Variants in NT5DC1 observed in about 807,000 individuals in gnomAD.
The protein encoded by NT5DC1 is 5'-nucleotidase domain containing 1.
A neutral mutation model predicts 59.4 loss-of-function variants in NT5DC1; 42 were observed. The observed-to-expected ratio is 0.71, with a 90% CI of 0.55 to 0.92. The LOEUF is 0.92. Ranked by LOEUF, NT5DC1 falls within the 40% of genes least tolerant of loss-of-function variation. NT5DC1 has a pLI of 0.00. For synonymous variants in NT5DC1, 172 were observed against 188.1 expected (o/e 0.91, Z 0.70); for missense variants, 501 against 537.1 (o/e 0.93, Z 0.66).
At chr6:116,162,660 G>C (rs1780362526) in intron 6 of NT5DC1, among the ~76,000 whole-genome samples, 1 of 152,100 alleles carries the variant, frequency 6.6e-6, no homozygotes, top group African/African-American at 2.4e-5. Context: ...TTGATGTGCT[G>C]TTGGATTCAG....
chr6:116,173,950 A>G (rs1780675474), intron 6 of NT5DC1, among the ~76,000 whole-genome samples: 1 of 152,164 alleles, frequency 6.6e-6, no homozygotes, highest in South Asian at 2.1e-4. Flanking sequence ...TAATCATCAC[A>G]TTCAATTAGT....
chr6:116,137,527 C>T (rs1779641334), intron 6 of NT5DC1: 1 of 211,748 alleles, frequency 4.7e-6, no homozygotes, highest in South Asian at 8.9e-5. Flanking sequence ...ATGTATTTCA[C>T]AGTCTCCTCA....
intron 6 of NT5DC1, among the ~76,000 whole-genome samples, chr6:116,142,361 A>G (rs1278067670): frequency 2.6e-5 from 4 of 152,108 alleles, no homozygotes; most frequent in African/African-American, 9.7e-5. Flanking sequence ...AATTAATAAC[A>G]TAAAAACCAC....
chr6:116,120,287 A>G (rs1562122435), intron 6 of NT5DC1: 1 of 1,614,230 alleles, frequency 6.2e-7, no homozygotes, highest in Non-Finnish European at 8.5e-7. Context: ...GCCTACCCAA[A>G]CATGAGTCCC....
Position 116,168,568 on chromosome 6 carries a change from C to T in NT5DC1, c.529+50623C>T, listed in dbSNP as rs142220277. Among the ~76,000 whole-genome samples the T allele has an allele frequency of 2.5e-3, 379 of 152,218 alleles. 2 individuals are homozygous for T. The highest frequency in any genetic ancestry group is 8.8e-3 in the African/African-American group (365 of 41,524). Reference sequence around the variant, plus strand: ...CTTCTGTGGATCTGGTTCAGTCTGTCTTCATGCCATAGGAGCTGCTGTGGA... The same window carrying T: ...CTTCTGTGGATCTGGTTCAGTCTGTTTTCATGCCATAGGAGCTGCTGTGGA... On this transcript the variant is annotated intron_variant, in intron 6 of 11. Coordinates refer to ENST00000319550, the MANE Select transcript of NT5DC1 (RefSeq NM_152729.3).
intron 11 of NT5DC1, among the ~76,000 whole-genome samples, chr6:116,241,935 AAAAC>A (rs1562178954): frequency 2.4e-4 from 6 of 25,414 alleles, no homozygotes; most frequent in Non-Finnish European, 3.0e-4. Context: ...AAAAAAAAAA[AAAAC>A]AAAACAAAAA....
At chr6:116,128,014 C>T (rs1779365861) in intron 6 of NT5DC1, among the ~76,000 whole-genome samples, 2 of 152,044 alleles carry the variant, frequency 1.3e-5, no homozygotes, top group Admixed American at 1.3e-4. Context: ...TATTCCTGTG[C>T]TTGAGGTATT....
At chr6:116,190,262 ATG>A (rs1215858309) in intron 6 of NT5DC1, among the ~76,000 whole-genome samples, 5 of 152,012 alleles carry the variant, frequency 3.3e-5, no homozygotes, top group African/African-American at 1.2e-4. Flanking sequence ...TAAATTATCT[ATG>A]TATTTTTTCT....
At chr6:116,232,960 T>G (rs1245623021) in intron 8 of NT5DC1, among the ~76,000 whole-genome samples, 1 of 152,200 alleles carries the variant, frequency 6.6e-6, no homozygotes, top group Non-Finnish European at 1.5e-5. Context: ...TTAACTTCAT[T>G]AGGTCAGTTT....
At chr6:116,163,141 A>ATATATATATAT (rs1554197064) in intron 6 of NT5DC1, among the ~76,000 whole-genome samples, 7 of 88,408 alleles carry the variant, frequency 7.9e-5, no homozygotes, top group African/African-American at 4.0e-4. Context: ...AAAAAAAAAA[A>ATATATATATAT]ATATATATAT....
intron 3 of NT5DC1, among the ~76,000 whole-genome samples, chr6:116,109,294 C>G (rs1778819999): frequency 6.6e-6 from 1 of 152,206 alleles, no homozygotes; most frequent in Non-Finnish European, 1.5e-5. Context: ...CGACCTTCCC[C>G]TAAGGTGCAT....
intron 4 of NT5DC1, among the ~76,000 whole-genome samples, chr6:116,113,266 G>A (rs1481874727): frequency 6.6e-6 from 1 of 152,156 alleles, no homozygotes; most frequent in Admixed American, 6.5e-5. Context: ...TACCACCTTT[G>A]CAGAAGTGAG....
intron 6 of NT5DC1, among the ~76,000 whole-genome samples, chr6:116,132,425 T>C (rs1282424952): frequency 1.3e-5 from 2 of 152,118 alleles, no homozygotes; most frequent in Admixed American, 1.3e-4. Flanking sequence ...TGTGATATAG[T>C]TTTCACATAT....
At chr6:116,191,358 A>G (rs1297287243) in intron 6 of NT5DC1, among the ~76,000 whole-genome samples, 1 of 151,960 alleles carries the variant, frequency 6.6e-6, no homozygotes, top group Non-Finnish European at 1.5e-5. Flanking sequence ...AAGAAACCCT[A>G]CTGTACTTAC....
At chr6:116,243,832 T>C (rs1253846680) in intron 11 of NT5DC1, 77 bp from the exon 12 acceptor site, 7 of 593,784 alleles carry the variant, frequency 1.2e-5, no homozygotes, top group Non-Finnish European at 2.1e-5. Flanking sequence ...GTTTTATTAG[T>C]GAATATCAAG....
chr6:116,119,278 C>G (rs930126267), intron 6 of NT5DC1: 9 of 152,504 alleles, frequency 5.9e-5, no homozygotes, highest in African/African-American at 2.2e-4. Flanking sequence ...ACATAAGATT[C>G]AATAAGGAAT....
rs149589523 is a variant in NT5DC1 at position 116,167,551 on chromosome 6, G to T, written c.529+49606G>T. The stretch of plus-strand genomic sequence containing the variant: ...TAAGGCAAAAAATATGCATCATTTT[G>T]ATACCAGTTATTTGTACTGATTTCA... On this transcript the variant is annotated intron_variant, in intron 6 of 11. Transcript: ENST00000319550. Among the ~76,000 whole-genome samples the T allele has an allele frequency of 3.5e-3, 530 of 152,176 alleles. 2 individuals carry two copies. Among genetic ancestry groups the T allele is most frequent in the African/African-American group, 0.012 (503 of 41,520 alleles).
At position 116,243,977 on chromosome 6, in the gene NT5DC1, A is replaced by G. The variant is rs376867677; in HGVS notation, c.1321A>G (p.Asn441Asp). 1.0e-5 allele frequency: 16 copies of G among 1,571,870 alleles called. No homozygotes were observed. The African/African-American group carries it at 1.9e-4, about 19-fold the overall frequency. ...SNSKTAGYYP[N>D]PPLVLSSDET... ...TTCAAAAACAGCTGGCTACTATCCA[A>G]ATCCTCCACTGGTCTTATCAAGTGA... The change falls in exon 12 of 12, where the codon AAT becomes GAT. Residue 441 changes from asparagine to aspartate, a missense_variant. Physicochemically the swap from Asn to Asp is conservative, Grantham distance 23. Transcript: ENST00000319550.
At chr6:116,198,673 G>A (rs1318980449) in intron 6 of NT5DC1, among the ~76,000 whole-genome samples, 1 of 151,960 alleles carries the variant, frequency 6.6e-6, no homozygotes, top group Non-Finnish European at 1.5e-5. Flanking sequence ...AGTTACCTAT[G>A]AGCTACGATC....
Sources: allele counts gnomAD v4.1 joint callset (sites outside exome capture counted in the v4.1 genomes callset), GRCh38; gene constraint gnomAD v4.1.1; transcripts MANE v1.5; gene names NCBI Gene and HGNC (gene_info 2026-07-23, HGNC 2026-07-21).